Variants in CD247 observed in about 807,000 individuals in gnomAD.
CD247 encodes T-cell surface glycoprotein CD3 zeta chain.
A neutral mutation model predicts 30.0 loss-of-function variants in CD247; 13 were observed. The ratio of observed to expected loss-of-function variants is 0.43; its 90% confidence interval spans 0.28 to 0.69. The LOEUF (loss-of-function observed/expected upper bound fraction) is 0.69. Ranked by LOEUF, CD247 falls within the 30% of genes least tolerant of loss-of-function variation. The probability of loss-of-function intolerance (pLI) is 0.16; values close to 1 mark genes in which losing one functional copy is unlikely to be tolerated. For missense variants in CD247, 193 were observed against 212.6 expected (o/e 0.91, Z 0.57); for synonymous variants, 72 against 80.0 (o/e 0.90, Z 0.53).
chr1:167,495,108 G>A lies in CD247; in HGVS notation c.58+23300C>T, dbSNP rs561831857. Among the ~76,000 whole-genome samples, 53 of 152,350 alleles carry A rather than the reference G, an allele frequency of 3.5e-4. No homozygotes were observed. In the South Asian group the frequency reaches 6.0e-3, roughly 17 times the overall value. ...CTTAGGTGAACTTTCAAAGTCCAGC[G>A]TAAGAAAAAGTTTCCAGCAACAGCA... On this transcript the variant is annotated intron_variant, in intron 1 of 7. Transcript: ENST00000362089.
chr1:167,504,954 A>T (rs558875771), intron 1 of CD247, among the ~76,000 whole-genome samples: 1 of 152,364 alleles, frequency 6.6e-6, no homozygotes, highest in African/African-American at 2.4e-5. Context: ...GAAAATTCAT[A>T]CTCATGAAAA....
At chr1:167,496,921 G>A (rs1216848761) in intron 1 of CD247, among the ~76,000 whole-genome samples, 1 of 152,144 alleles carries the variant, frequency 6.6e-6, no homozygotes, top group Non-Finnish European at 1.5e-5. Flanking sequence ...GATGAAAAAA[G>A]CAGGCCCCGG....
intron 1 of CD247, among the ~76,000 whole-genome samples, chr1:167,517,843 G>A (rs1655680674): frequency 6.6e-6 from 1 of 152,150 alleles, no homozygotes; most frequent in African/African-American, 2.4e-5. Flanking sequence ...GCTGCCACCC[G>A]GTGCTTCCTG....
chr1:167,440,715 T>A lies in CD247; in HGVS notation c.111A>T (p.Gly37=), dbSNP rs201451004. ...GAATGACACCATAGATGAAGAGGAT[T>A]CCATCCAGCAGGTAGCAGAGTTTGG... The part of the protein sequence containing the change: ...LDPKLCYLLD[G]ILFIYGVILT... Residue 37 remains glycine (G), a synonymous_variant, in exon 2 of 8, where the codon GGA becomes GGT. Transcript: ENST00000362089. The A allele has an allele frequency of 3.0e-5, 48 of 1,613,854 alleles. No individual in the cohort carries two copies. The East Asian group carries it at 1.0e-3, about 35-fold the overall frequency.
chr1:167,476,940 G>A (rs1027347549), intron 1 of CD247, among the ~76,000 whole-genome samples: 7 of 152,132 alleles, frequency 4.6e-5, no homozygotes, highest in Non-Finnish European at 8.8e-5. Flanking sequence ...CATCTCACAC[G>A]TGTGGAAGTT....
At chr1:167,503,779 G>A (rs543341127) in intron 1 of CD247, among the ~76,000 whole-genome samples, 61 of 152,198 alleles carry the variant, frequency 4.0e-4, no homozygotes, top group Non-Finnish European at 8.2e-4. Flanking sequence ...GGGGCCAGGT[G>A]AGGACTTGGC....
chr1:167,499,079 C>T (rs113925700), intron 1 of CD247, among the ~76,000 whole-genome samples: 6 of 149,584 alleles, frequency 4.0e-5, no homozygotes, highest in African/African-American at 1.0e-4. Context: ...CTAATCATCA[C>T]GGAGTGATTG....
chr1:167,488,852 G>C (rs1452396166), intron 1 of CD247, among the ~76,000 whole-genome samples: 1 of 152,166 alleles, frequency 6.6e-6, no homozygotes, highest in East Asian at 1.9e-4. Context: ...GTATGTTCTT[G>C]TAGCTCAGAC....
chr1:167,489,147 G>T (rs1654334666), intron 1 of CD247, among the ~76,000 whole-genome samples: 1 of 152,052 alleles, frequency 6.6e-6, no homozygotes, highest in Admixed American at 6.6e-5. Flanking sequence ...TGTCACAGTG[G>T]AATAAAAATG....
At chr1:167,450,922 AAAAAAG>A (rs1226072799) in intron 1 of CD247, among the ~76,000 whole-genome samples, 26 of 152,058 alleles carry the variant, frequency 1.7e-4, no homozygotes, top group African/African-American at 4.8e-4. Context: ...AAAAAAAAAA[AAAAAAG>A]AAAAGAAAAG....
intron 1 of CD247, among the ~76,000 whole-genome samples, chr1:167,476,700 T>A (rs1283387278): frequency 6.6e-6 from 1 of 152,194 alleles, no homozygotes; most frequent in Non-Finnish European, 1.5e-5. Flanking sequence ...GGCACATGCC[T>A]GTAGTCCCAG....
rs1651504240 is a variant in CD247 at position 167,435,490 on chromosome 1, A to G, written c.301-56T>C. 17 of 1,407,926 alleles carry G rather than the reference A, an allele frequency of 1.2e-5. No homozygotes were observed. In the South Asian group the frequency reaches 2.0e-4, roughly 16 times the overall value. 87.2% of individuals were successfully genotyped at this position (1,407,926 alleles called of 1,614,324 possible). A position where few individuals can be genotyped will look rare whatever the true frequency, so the allele number is the denominator to read the frequency against. On this transcript the variant is annotated intron_variant, in intron 4 of 7. Coordinates refer to ENST00000362089, the MANE Select transcript of CD247 (RefSeq NM_198053.3). ...GAGAGAAACACAAACCCAAGCCATG[A>G]AAGTACAGCAAACCCCATCCTGCCC...
At chr1:167,453,694 G>A (rs1652484335) in intron 1 of CD247, among the ~76,000 whole-genome samples, 2 of 152,204 alleles carry the variant, frequency 1.3e-5, no homozygotes, top group Admixed American at 1.3e-4. Context: ...GTGGCCAGGT[G>A]CAGTGGCTCA....
rs1655482066 is a variant in CD247, at chr1:167,513,544, A to C, written c.58+4864T>G. 2.0e-5 allele frequency among the ~76,000 whole-genome samples: 3 copies of C among 152,198 alleles called. No individual in the cohort carries two copies. In the South Asian group the frequency reaches 6.2e-4, roughly 31 times the overall value. ...CCTGGATCAAACCAGACTAATAGTA[A>C]GTATCTTGCTTTTTTTTCTTTCTAT... On this transcript the variant is annotated intron_variant, in intron 1 of 7. Coordinates refer to ENST00000362089, the MANE Select transcript of CD247 (RefSeq NM_198053.3).
At chr1:167,456,146 A>C (rs1652654738) in intron 1 of CD247, among the ~76,000 whole-genome samples, 1 of 152,216 alleles carries the variant, frequency 6.6e-6, no homozygotes, top group African/African-American at 2.4e-5. Context: ...CCCTGTGAGC[A>C]AAAGTTTCAG....
At chr1:167,480,871 T>C (rs1294654769) in intron 1 of CD247, among the ~76,000 whole-genome samples, 2 of 152,204 alleles carry the variant, frequency 1.3e-5, no homozygotes, top group Non-Finnish European at 2.9e-5. Context: ...CTTGGGAACA[T>C]TTGTGACGTG....
In CD247 at chr1:167,518,392, G is replaced by A. The variant is rs200975956; in HGVS notation, c.58+16C>T. ...GAGTTTCTAGAAGTTCCCTGCCGTC[G>A]ACACGTCGGCCCTACCTGTAATCGG... On this transcript the variant is annotated intron_variant, in intron 1 of 7. Coordinates refer to ENST00000362089, the MANE Select transcript of CD247 (RefSeq NM_198053.3). The A allele has an allele frequency of 4.3e-6, 7 of 1,613,684 alleles. No homozygotes were observed. In the South Asian group the frequency reaches 4.4e-5, roughly 10 times the overall value.
chr1:167,439,327 C>T lies in CD247; in HGVS notation c.219+17G>A, dbSNP rs375337627. 2.5e-6 allele frequency: 4 copies of T among 1,612,760 alleles called. No homozygotes were observed. The highest frequency in any genetic ancestry group is 1.7e-5 in the Admixed American group (1 of 60,000). On this transcript the variant is annotated intron_variant, in intron 3 of 7. Transcript: ENST00000362089. Reference sequence around the variant, plus strand: ...CTGCCCTTCCTTTCCGGAGGGTCTACGGCGAGGCTGACTTACGTTATAGAG... The same window carrying T: ...CTGCCCTTCCTTTCCGGAGGGTCTATGGCGAGGCTGACTTACGTTATAGAG...
At chr1:167,476,562 C>T (rs1653755596) in intron 1 of CD247, among the ~76,000 whole-genome samples, 2 of 152,178 alleles carry the variant, frequency 1.3e-5, no homozygotes, top group Admixed American at 1.3e-4. Context: ...GTGGCTCACG[C>T]CTGTAATCCC....
Sources: gnomAD v4.1 joint callset for allele counts (sites outside exome capture counted in the v4.1 genomes callset) on GRCh38, gnomAD v4.1.1 for gene constraint, MANE v1.5 for transcripts, NCBI Gene and HGNC (gene_info 2026-07-23, HGNC 2026-07-21) for gene names.